The following RNF157 variants were observed in gnomAD, a reference collection of about 807,000 sequenced individuals.
RNF157 encodes E3 ubiquitin ligase RNF157.
In RNF157, 55 loss-of-function variants were observed where a neutral mutation model predicts 88.3. That is an observed-to-expected ratio of 0.62 (90% CI 0.50 to 0.78). The LOEUF (loss-of-function observed/expected upper bound fraction) is 0.78, where lower values mean the gene tolerates loss of function less well. Among genes scored for constraint, RNF157 ranks in the 30% least tolerant of loss-of-function variants. The pLI is 0.00. For synonymous variants in RNF157, 334 were observed against 341.2 expected (o/e 0.98, Z 0.23); for missense variants, 788 against 860.8 (o/e 0.92, Z 1.06).
intron 6 of RNF157, 102 bp from the exon 7 acceptor site, chr17:76,165,647 G>T: frequency 7.9e-7 from 1 of 1,269,392 alleles, no homozygotes; most frequent in Non-Finnish European, 1.1e-6. Context: ...AAATGTGCCA[G>T]TCTGTCTCTA....
At chr17:76,154,403 A>G in intron 16 of RNF157, 75 bp from the exon 17 acceptor site, 1 of 943,400 alleles carries the variant, frequency 1.1e-6, no homozygotes, top group Non-Finnish European at 1.8e-6. Context: ...GACAGAACTA[A>G]TCATCCTACT....
intron 17 of RNF157, chr17:76,154,030 C>A (rs1160382900): frequency 6.3e-6 from 3 of 474,312 alleles, no homozygotes; most frequent in Admixed American, 7.0e-5. Context: ...TAAATATGGA[C>A]CTGTATGTAT....
rs866332125 is a variant in RNF157 at position 76,171,585 on chromosome 17, C to T, written c.296+2117G>A. Among the ~76,000 whole-genome samples the T allele has an allele frequency of 7.9e-5, 12 of 151,916 alleles. No homozygotes were observed. In the South Asian group the frequency reaches 8.3e-4, roughly 11 times the overall value. On this transcript the variant is annotated intron_variant, in intron 3 of 18. Coordinates refer to ENST00000269391, the MANE Select transcript of RNF157 (RefSeq NM_052916.3). ...AATCCTCCATCTTTACCTGGAAATC[C>T]GAGAATCAGAATTTATTCCCATAAT...
rs141460217 is a variant in RNF157, at chr17:76,187,999, T to A, written c.208-14209A>T. 7.2e-3 allele frequency among the ~76,000 whole-genome samples: 1,090 copies of A among 152,294 alleles called. 10 individuals are homozygous for A. The highest frequency in any genetic ancestry group is 0.021 in the African/African-American group (859 of 41,538). On this transcript the variant is annotated intron_variant, in intron 2 of 18. Coordinates refer to ENST00000269391, the MANE Select transcript of RNF157 (RefSeq NM_052916.3). The stretch of plus-strand genomic sequence containing the variant: ...TTTAATAAGGTGGCACTTGTTCCGT[T>A]TTGCATTGCTAAGCTTCTAAGAGTC...
Position 76,176,699 on chromosome 17 carries a change from AGCAGCGTGGC to A in RNF157, c.208-2919_208-2910del, listed in dbSNP as rs2069108441. ...TGGCCGGGTTACCCACCAGCAGAGG[AGCAGCGTGGC>A]AGAAGAGCAGCGCGGTAGGGCAAAG... On this transcript the variant is annotated intron_variant, in intron 2 of 18. Coordinates refer to ENST00000269391, the MANE Select transcript of RNF157 (RefSeq NM_052916.3). The surrounding 1 kb of genome is among the most constrained non-coding windows in gnomAD (Gnocchi z 4.2). Among the ~76,000 whole-genome samples the A allele has an allele frequency of 6.6e-6, 1 of 152,140 alleles. No homozygotes were observed. The highest frequency in any genetic ancestry group is 2.4e-5 in the African/African-American group (1 of 41,440).
chr17:76,240,177 C>T lies in RNF157; in HGVS notation c.64G>A (p.Val22Met), dbSNP rs148912222. The T allele has an allele frequency of 5.0e-6, 7 of 1,388,246 alleles. No individual in the cohort carries two copies. Among genetic ancestry groups the T allele is most frequent in the African/African-American group, 4.4e-5 (3 of 67,766 alleles). The allele number at this position is 1,388,246 out of a possible 1,614,324, so 86.0% of individuals were successfully genotyped here. Residue 22 changes from valine to methionine, a missense_variant, in exon 1 of 19, where the codon GTG (valine) becomes ATG (methionine). Transcript: ENST00000269391. This position sits in a 1 kb window ranked among gnomAD's most constrained non-coding sequence, Gnocchi z 4.4. Reference sequence around the variant, plus strand: ...CCGGACTTGGGCGGGTAGCGGTACACGGAATTAGACGGGATGTCCACCTCC... The same window carrying T: ...CCGGACTTGGGCGGGTAGCGGTACATGGAATTAGACGGGATGTCCACCTCC... ...VEEVDIPSNS[V>M]YRYPPKSGSY...
At chr17:76,179,594 G>C (rs190063437) in intron 2 of RNF157, among the ~76,000 whole-genome samples, 45 of 152,238 alleles carry the variant, frequency 3.0e-4, no homozygotes, top group Admixed American at 1.6e-3. Flanking sequence ...TAGGGAGGCT[G>C]AGGCAGAAGA....
intron 1 of RNF157, among the ~76,000 whole-genome samples, chr17:76,214,972 C>A (rs892459342): frequency 2.0e-5 from 3 of 152,166 alleles, no homozygotes; most frequent in Non-Finnish European, 4.4e-5. Context: ...CTAATTCTCC[C>A]ATGAAGGTAA....
intron 2 of RNF157, among the ~76,000 whole-genome samples, chr17:76,182,025 G>C (rs996982800): frequency 1.3e-5 from 2 of 152,090 alleles, no homozygotes; most frequent in African/African-American, 2.4e-5. Flanking sequence ...GAGGGACACA[G>C]TGAAGAGTCA....
At position 76,167,674 on chromosome 17, in the gene RNF157, T is replaced by C; in HGVS notation, c.420A>G (p.Glu140=). 1 of 1,614,194 alleles carries C rather than the reference T, an allele frequency of 6.2e-7. No individual in the cohort carries two copies. Among genetic ancestry groups the C allele is most frequent in the East Asian group, 2.2e-5 (1 of 44,888 alleles). Residue 140 remains glutamate, a synonymous_variant, in exon 4 of 19, where the codon GAA becomes GAG. Transcript: ENST00000269391. ...VAITIYYQAT[E]EFQNGIASYI... is the part of the protein sequence containing the mutation. ...ACCTGGCAATACCATTCTGGAACTCTTCCGTGGCCTGGTAATAGATGGTGA... is the reference window on the plus strand; with the variant it reads ...ACCTGGCAATACCATTCTGGAACTCCTCCGTGGCCTGGTAATAGATGGTGA...
chr17:76,185,475 C>CTTTTTTTTTTT lies in RNF157; in HGVS notation c.208-11696_208-11686dup, dbSNP rs71161271. ...ACTAGTGGTCAGAGATTAGTCCTTTCTTTTTTTTTTTTGAGACGGAGTCTC... is the reference window on the plus strand; with the variant it reads ...ACTAGTGGTCAGAGATTAGTCCTTTCTTTTTTTTTTTTTTTTTTTTTTTGAGACGGAGTCTC... On this transcript the variant is annotated intron_variant, in intron 2 of 18. Transcript: ENST00000269391. Among the ~76,000 whole-genome samples the CTTTTTTTTTTT allele has an allele frequency of 6.0e-4, 85 of 141,882 alleles. 1 individual carries two copies. The highest frequency in any genetic ancestry group is 9.8e-4 in the African/African-American group (36 of 36,830). 93.1% of individuals were successfully genotyped at this position (141,882 alleles called of 152,430 possible). A position where few individuals can be genotyped will look rare whatever the true frequency, so the allele number is the denominator to read the frequency against.
intron 17 of RNF157, chr17:76,154,056 C>T: frequency 1.9e-6 from 1 of 539,678 alleles, no homozygotes; most frequent in Non-Finnish European, 3.3e-6. Flanking sequence ...GCAGCACCCG[C>T]ACCTGACATC....
chr17:76,223,264 T>C (rs1318231304), intron 1 of RNF157, among the ~76,000 whole-genome samples: 1 of 150,784 alleles, frequency 6.6e-6, no homozygotes. Context: ...CTCTGCTCGC[T>C]GCAACATCCG....
intron 2 of RNF157, among the ~76,000 whole-genome samples, chr17:76,211,205 G>T (rs888661383): frequency 2.0e-5 from 3 of 152,214 alleles, no homozygotes; most frequent in African/African-American, 7.2e-5. Context: ...CACAGTACCT[G>T]ACACGCAGTA....
At chr17:76,166,549 G>T in intron 5 of RNF157, 22 bp from the exon 6 acceptor site, 1 of 1,598,530 alleles carries the variant, frequency 6.3e-7, no homozygotes, top group Non-Finnish European at 8.5e-7. Context: ...GAAAAGGAAA[G>T]GAAAAAAAAA....
At chr17:76,158,264 C>G (rs2068795154) in intron 13 of RNF157, 129 bp downstream of exon 13, 1 of 691,492 alleles carries the variant, frequency 1.4e-6, no homozygotes, top group Non-Finnish European at 2.6e-6. Context: ...AAACCTTTGC[C>G]ACTGCCTCAG....
intron 3 of RNF157, among the ~76,000 whole-genome samples, chr17:76,170,848 A>T (rs971294621): frequency 6.6e-6 from 1 of 151,862 alleles, no homozygotes; most frequent in African/African-American, 2.4e-5. Flanking sequence ...CCATTCTCCA[A>T]ATATTTACAG....
At chr17:76,233,773 T>C (rs1051184320) in intron 1 of RNF157, among the ~76,000 whole-genome samples, 2 of 151,896 alleles carry the variant, frequency 1.3e-5, no homozygotes, top group Non-Finnish European at 2.9e-5. Flanking sequence ...GCTTAAGCCA[T>C]CCTTCAGCCT....
At chr17:76,185,650 C>T (rs58382842) in intron 2 of RNF157, among the ~76,000 whole-genome samples, 18,541 of 150,248 alleles carry the variant, frequency 0.12, 1,672 homozygotes, top group African/African-American at 0.26. Context: ...TTTGTATTTT[C>T]AGTAGAGACG....
Sources: allele counts gnomAD v4.1 joint callset (sites outside exome capture counted in the v4.1 genomes callset), GRCh38; gene constraint gnomAD v4.1.1; non-coding constraint Gnocchi (gnomAD v3.1); transcripts MANE v1.5; gene names NCBI Gene and HGNC (gene_info 2026-07-23, HGNC 2026-07-21).